WFDC9: variants seen among roughly 807,000 people sequenced by gnomAD.
WFDC9 encodes the protein protein WFDC9.
A neutral mutation model predicts 9.5 loss-of-function variants in WFDC9; 9 were observed. That is an observed-to-expected ratio of 0.95 (90% CI 0.57 to 1.65). WFDC9 has a LOEUF of 1.65. Ranked by LOEUF, WFDC9 falls within the 40% of genes most tolerant of loss-of-function variation. WFDC9 has a pLI of 0.00. For missense variants in WFDC9, 87 were observed against 106.7 expected (o/e 0.82, Z 0.81); for synonymous variants, 33 against 32.3 (o/e 1.02, Z -0.07).
In WFDC9 at chr20:45,608,816, A is replaced by G; in HGVS notation, c.92-6T>C. 4.4e-6 allele frequency: 7 copies of G among 1,607,490 alleles called. No individual in the cohort carries two copies. Among genetic ancestry groups the G allele is most frequent in the Non-Finnish European group, 5.9e-6 (7 of 1,177,256 alleles). On this transcript the variant is annotated splice_polypyrimidine_tract_variant and splice_region_variant and intron_variant, in intron 3 of 4. Coordinates refer to ENST00000326000, the MANE Select transcript of WFDC9 (RefSeq NM_147198.4). ...TTCTCTTATCATATCTAGAACTGAG[A>G]TGGAAGAAGTTAGCAGGGTCCGTCT...
chr20:45,608,535 G>C, intron 4 of WFDC9, 128 bp downstream of exon 4: 1 of 1,163,868 alleles, frequency 8.6e-7, no homozygotes, highest in Non-Finnish European at 1.2e-6. Flanking sequence ...TTTGGAGATA[G>C]GAGGACATTG....
chr20:45,618,718 A>G (rs1346550011), intron 1 of WFDC9, among the ~76,000 whole-genome samples: 2 of 152,204 alleles, frequency 1.3e-5, no homozygotes, highest in African/African-American at 4.8e-5. Context: ...AGCAATTACA[A>G]TAGTAACAAC....
intron 4 of WFDC9, 29 bp downstream of exon 4, chr20:45,608,634 C>T: frequency 6.2e-7 from 1 of 1,600,482 alleles, no homozygotes; most frequent in Non-Finnish European, 8.5e-7. Flanking sequence ...CATGCCCAGG[C>T]CCTAGCCTTC....
At chr20:45,630,832 G>C in intron 1 of WFDC9, 1 of 1,536,282 alleles carries the variant, frequency 6.5e-7, no homozygotes, top group Non-Finnish European at 8.7e-7. Context: ...TGTTCTCTAG[G>C]AAACTGCGTT....
intron 3 of WFDC9, among the ~76,000 whole-genome samples, chr20:45,609,171 C>T (rs1981798073): frequency 6.6e-6 from 1 of 151,990 alleles, no homozygotes; most frequent in Non-Finnish European, 1.5e-5. Context: ...GAAACTGAGC[C>T]AAGGGAGAAT....
Position 45,608,147 on chromosome 20 carries a change from G to A in WFDC9, c.240-7C>T, listed in dbSNP as rs2145593442. 3.1e-6 allele frequency: 5 copies of A among 1,611,018 alleles called. No individual in the cohort carries two copies. Among genetic ancestry groups the A allele is most frequent in the East Asian group, 2.2e-5 (1 of 44,848 alleles). ...CATTGATTTAAGGGGCTCTCTAGAA[G>A]AGAAAAGTTAGTCAAAAGTCAAGAA... On this transcript the variant is annotated splice_polypyrimidine_tract_variant and splice_region_variant and intron_variant, in intron 4 of 4. Transcript: ENST00000326000.
chr20:45,624,175 G>A (rs1288039596), intron 1 of WFDC9, among the ~76,000 whole-genome samples: 1 of 152,158 alleles, frequency 6.6e-6, no homozygotes, highest in Non-Finnish European at 1.5e-5. Context: ...CTAGGCGACA[G>A]AGCAAGACTC....
intron 1 of WFDC9, among the ~76,000 whole-genome samples, chr20:45,624,407 T>C (rs1343178031): frequency 6.6e-6 from 1 of 152,244 alleles, no homozygotes; most frequent in Non-Finnish European, 1.5e-5. Flanking sequence ...TTATTCCTTT[T>C]TGTGGCTGAA....
chr20:45,626,569 C>A (rs1419050867), intron 1 of WFDC9, among the ~76,000 whole-genome samples: 1 of 152,102 alleles, frequency 6.6e-6, no homozygotes, highest in Non-Finnish European at 1.5e-5. Context: ...GGATTGCCCT[C>A]TTGGTCTCTT....
chr20:45,630,005 A>C (rs548650350), intron 1 of WFDC9: 1 of 1,486,466 alleles, frequency 6.7e-7, no homozygotes, highest in Non-Finnish European at 9.1e-7. Context: ...AACTCTCTGC[A>C]TATCCAGCTC....
intron 1 of WFDC9, among the ~76,000 whole-genome samples, chr20:45,628,105 TCAGTA>T (rs1265011206): frequency 1.3e-5 from 2 of 152,224 alleles, no homozygotes; most frequent in African/African-American, 2.4e-5. Flanking sequence ...CTTATAAATG[TCAGTA>T]CTTGAGCCTG....
At chr20:45,610,841 G>A (rs1981844714) in intron 2 of WFDC9, among the ~76,000 whole-genome samples, 1 of 152,174 alleles carries the variant, frequency 6.6e-6, no homozygotes, top group Non-Finnish European at 1.5e-5. Context: ...AATTTTATTG[G>A]TAAAAAGCTT....
intron 1 of WFDC9, among the ~76,000 whole-genome samples, chr20:45,626,204 G>A: frequency 6.6e-6 from 1 of 152,108 alleles, no homozygotes; most frequent in East Asian, 1.9e-4. Context: ...GAGCTTGGTA[G>A]TATATTTAGA....
At chr20:45,621,637 G>A (rs1982102650) in intron 1 of WFDC9, among the ~76,000 whole-genome samples, 1 of 152,212 alleles carries the variant, frequency 6.6e-6, no homozygotes, top group African/African-American at 2.4e-5. Flanking sequence ...ATGCTAGGCA[G>A]AAGCTGCTAT....
chr20:45,621,795 A>G lies in WFDC9; in HGVS notation c.-152-7074T>C, dbSNP rs1319734668. ...GCTCCACTGGTCATTGGGAAAAGACACTTGGAAGCATGCACCTGATTTCTT... is the reference window on the plus strand; with the variant it reads ...GCTCCACTGGTCATTGGGAAAAGACGCTTGGAAGCATGCACCTGATTTCTT... On this transcript the variant is annotated intron_variant, in intron 1 of 4. Coordinates refer to ENST00000326000, the MANE Select transcript of WFDC9 (RefSeq NM_147198.4). Among the ~76,000 whole-genome samples, 6 of 152,278 alleles carry G rather than the reference A, an allele frequency of 3.9e-5. 1 individual carries two copies. The highest frequency in any genetic ancestry group is 3.9e-4 in the Admixed American group (6 of 15,300).
chr20:45,630,803 G>A, intron 1 of WFDC9: 2 of 1,487,056 alleles, frequency 1.3e-6, no homozygotes, highest in Non-Finnish European at 1.8e-6. Flanking sequence ...TCTTGGAGGA[G>A]GCTTCAGCTT....
At chr20:45,625,773 A>G (rs1444435509) in intron 1 of WFDC9, among the ~76,000 whole-genome samples, 4 of 123,084 alleles carry the variant, frequency 3.2e-5, no homozygotes, top group East Asian at 2.6e-4. Flanking sequence ...GCAGTTGGCT[A>G]TCGACGCATG....
At chr20:45,629,742 C>G (rs879391380) in intron 1 of WFDC9, 1 of 1,550,158 alleles carries the variant, frequency 6.5e-7, no homozygotes, top group Non-Finnish European at 8.8e-7. Context: ...TTCCTTCACT[C>G]TCCGTAGACA....
intron 1 of WFDC9, among the ~76,000 whole-genome samples, chr20:45,615,982 T>C (rs78679148): frequency 3.8e-3 from 506 of 132,436 alleles, no homozygotes; most frequent in South Asian, 5.4e-3. Flanking sequence ...TCCCTCAATG[T>C]TGATGGTTGT....
Sources: gnomAD v4.1 joint callset for allele counts (sites outside exome capture counted in the v4.1 genomes callset) on GRCh38, gnomAD v4.1.1 for gene constraint, MANE v1.5 for transcripts, NCBI Gene and HGNC (gene_info 2026-07-23, HGNC 2026-07-21) for gene names.